The following CLASP2 variants were observed in gnomAD, a reference collection of about 807,000 sequenced individuals.
CLASP2 encodes cytoplasmic linker associated protein 2, also known as CLIP-associating protein 2.
A neutral mutation model predicts 194.4 loss-of-function variants in CLASP2; 47 were observed. The observed-to-expected ratio is 0.24, with a 90% CI of 0.19 to 0.31. The LOEUF (loss-of-function observed/expected upper bound fraction) is 0.31, where lower values mean the gene tolerates loss of function less well. CLASP2 is among the 10% of genes least tolerant of loss of function. CLASP2 has a pLI of 1.00. For synonymous variants in CLASP2, 619 were observed against 633.5 expected (o/e 0.98, Z 0.34); for missense variants, 1,445 against 1,823.6 (o/e 0.79, Z 3.78).
chr3:33,523,093 A>C (rs2053601474), intron 34 of CLASP2, among the ~76,000 whole-genome samples: 1 of 152,164 alleles, frequency 6.6e-6, no homozygotes, highest in African/African-American at 2.4e-5. Context: ...AAAAACAAAC[A>C]AACAAACAAA....
chr3:33,587,127 TTC>T, intron 21 of CLASP2, among the ~76,000 whole-genome samples: 1 of 152,190 alleles, frequency 6.6e-6, no homozygotes, highest in South Asian at 2.1e-4. Context: ...ATTCTTTTTT[TTC>T]TTTCTTTTTT....
At chr3:33,714,578 C>T (rs1241783395) in intron 1 of CLASP2, among the ~76,000 whole-genome samples, 6 of 152,182 alleles carry the variant, frequency 3.9e-5, no homozygotes, top group African/African-American at 1.4e-4. Context: ...ACCAGGAGCT[C>T]CTGTCGGATC....
chr3:33,573,445 T>C (rs747660696), intron 24 of CLASP2, 91 bp from the exon 25 acceptor site: 1 of 1,337,666 alleles, frequency 7.5e-7, no homozygotes. Flanking sequence ...TTGATTTTTG[T>C]TTTAAAATCA....
intron 34 of CLASP2, among the ~76,000 whole-genome samples, chr3:33,517,967 G>A (rs1353128648): frequency 6.6e-6 from 1 of 152,150 alleles, no homozygotes; most frequent in Non-Finnish European, 1.5e-5. Context: ...TTTAACCAAA[G>A]GTTTCAGTCA....
At chr3:33,613,214 A>T (rs939265797) in intron 12 of CLASP2, among the ~76,000 whole-genome samples, 1 of 152,222 alleles carries the variant, frequency 6.6e-6, no homozygotes, top group East Asian at 1.9e-4. Flanking sequence ...TGAAGGAAGC[A>T]GGAGTGGAGC....
intron 28 of CLASP2, 40 bp from the exon 29 acceptor site, chr3:33,559,425 T>C (rs764796217): frequency 3.3e-6 from 4 of 1,217,622 alleles, no homozygotes; most frequent in Admixed American, 4.1e-5. Context: ...AAAATTTAGT[T>C]AGCAAGTACG....
intron 14 of CLASP2, among the ~76,000 whole-genome samples, chr3:33,607,737 AC>A (rs1002137957): frequency 3.9e-5 from 6 of 152,138 alleles, no homozygotes; most frequent in Admixed American, 2.0e-4. Context: ...AATACATAGT[AC>A]CTAAATTTTT....
At chr3:33,558,299 A>G (rs1400254928) in intron 29 of CLASP2, 1 of 152,214 alleles carries the variant, frequency 6.6e-6, no homozygotes, top group African/African-American at 2.4e-5. Flanking sequence ...TGTCTCAGAC[A>G]CTTTTCGGTT....
At chr3:33,633,034 A>C (rs1577498768) in intron 8 of CLASP2, among the ~76,000 whole-genome samples, 1 of 152,180 alleles carries the variant, frequency 6.6e-6, no homozygotes, top group East Asian at 1.9e-4. Flanking sequence ...TTGGAGAGAG[A>C]CTGGAAGCTA....
chr3:33,667,933 G>T (rs1472524881), intron 6 of CLASP2, among the ~76,000 whole-genome samples: 1 of 152,058 alleles, frequency 6.6e-6, no homozygotes, highest in African/African-American at 2.4e-5. Flanking sequence ...AAAACTATTT[G>T]ACCTCACTGG....
At position 33,717,899 on chromosome 3, in the gene CLASP2, G is replaced by C. The variant is rs1356617390; in HGVS notation, c.104C>G (p.Pro35Arg). ...CTCCTCCAGGTCCGAGATGGCGCCG[G>C]GGGCGCCAAGGTAGAGCAGGAGCTC... ...GQELLLYLGA[P>R]GAISDLEEDL... is the part of the protein sequence containing the mutation. Residue 35 changes from proline (P) to arginine (R), a missense_variant, in exon 1 of 39, where the codon CCC becomes CGC. Coordinates refer to ENST00000682230, the MANE Select transcript of CLASP2 (RefSeq NM_001365631.1). 1.9e-6 allele frequency: 3 copies of C among 1,555,156 alleles called. No individual in the cohort carries two copies. The highest frequency in any genetic ancestry group is 2.4e-5 in the South Asian group (2 of 84,434).
At chr3:33,631,038 T>C (rs888531374) in intron 9 of CLASP2, among the ~76,000 whole-genome samples, 2 of 152,232 alleles carry the variant, frequency 1.3e-5, no homozygotes, top group East Asian at 1.9e-4. Flanking sequence ...AAGGCTTTCT[T>C]GTAACTTTTT....
At chr3:33,669,526 T>G (rs925005494) in intron 6 of CLASP2, among the ~76,000 whole-genome samples, 1 of 151,706 alleles carries the variant, frequency 6.6e-6, no homozygotes, top group Non-Finnish European at 1.5e-5. Flanking sequence ...GACAATGGCT[T>G]GTATACAGAA....
chr3:33,521,402 T>C (rs1272725979), intron 34 of CLASP2, among the ~76,000 whole-genome samples: 2 of 152,176 alleles, frequency 1.3e-5, no homozygotes, highest in Admixed American at 6.5e-5. Context: ...TCACCAGTGA[T>C]GGAGCACAGT....
chr3:33,699,170 T>A (rs1259577689), intron 1 of CLASP2, among the ~76,000 whole-genome samples: 3 of 152,064 alleles, frequency 2.0e-5, no homozygotes, highest in African/African-American at 7.2e-5. Flanking sequence ...TCATACAAAT[T>A]ACTCAAATTG....
chr3:33,606,805 T>G (rs1443521079), intron 15 of CLASP2, 47 bp from the exon 16 acceptor site: 2 of 1,380,476 alleles, frequency 1.4e-6, no homozygotes, highest in Non-Finnish European at 2.0e-6. Context: ...TTTACATAAT[T>G]AGACATTAAC....
chr3:33,617,159 A>G (rs572791726), intron 12 of CLASP2, among the ~76,000 whole-genome samples: 1 of 152,198 alleles, frequency 6.6e-6, no homozygotes, highest in Admixed American at 6.5e-5. Flanking sequence ...ATAAAATACG[A>G]AAATTAGCAT....
At chr3:33,677,638 GT>G (rs1351868220) in intron 6 of CLASP2, among the ~76,000 whole-genome samples, 12 of 150,230 alleles carry the variant, frequency 8.0e-5, no homozygotes, top group Non-Finnish European at 3.0e-5. Context: ...ACACCAGCAT[GT>G]CACATGTATA....
chr3:33,504,509 T>C (rs1233166917), intron 37 of CLASP2: 2 of 152,168 alleles, frequency 1.3e-5, no homozygotes, highest in Non-Finnish European at 2.9e-5. Flanking sequence ...GCGTAATCAT[T>C]CAATTAGCTA....
Sources: allele counts gnomAD v4.1 joint callset (sites outside exome capture counted in the v4.1 genomes callset), GRCh38; gene constraint gnomAD v4.1.1; transcripts MANE v1.5; gene names NCBI Gene and HGNC (gene_info 2026-07-23, HGNC 2026-07-21).